Variants in FRMPD4 observed in about 807,000 individuals in gnomAD.
FRMPD4 encodes the protein FERM and PDZ domain-containing protein 4.
Under a neutral mutation model 94.1 loss-of-function variants are expected in FRMPD4, and 22 were observed. The ratio of observed to expected loss-of-function variants is 0.23; its 90% confidence interval spans 0.17 to 0.33. FRMPD4 has a LOEUF of 0.33. Among genes scored for constraint, FRMPD4 ranks in the 10% least tolerant of loss-of-function variants. The pLI, the probability that FRMPD4 is intolerant of heterozygous loss-of-function variation, is 1.00. For missense variants in FRMPD4, 1,111 were observed against 1,339.9 expected (o/e 0.83, Z 2.67); for synonymous variants, 631 against 548.6 (o/e 1.15, Z -2.10).
At chrX:11,822,951 T>A (rs1347771394) in intron 1 of FRMPD4, among the ~76,000 whole-genome samples, 1 of 111,941 alleles carries the variant, frequency 8.9e-6, no homozygotes, top group Non-Finnish European at 1.9e-5. Context: ...TCTGATGTTC[T>A]TGGCATAGGA....
chrX:12,082,237 G>C (rs760516545), intron 3 of FRMPD4, among the ~76,000 whole-genome samples: 1 of 111,498 alleles, frequency 9.0e-6, no homozygotes, highest in South Asian at 3.8e-4. Flanking sequence ...CACATGTTGT[G>C]GGAAAGACCA....
intron 1 of FRMPD4, among the ~76,000 whole-genome samples, chrX:12,347,009 G>A (rs2055723486): frequency 9.0e-6 from 1 of 111,360 alleles, no homozygotes; most frequent in African/African-American, 3.3e-5. Context: ...GGGGTAGGTT[G>A]TGATAATATA....
chrX:12,688,759 T>TC (rs1491361285), intron 7 of FRMPD4, among the ~76,000 whole-genome samples: 1 of 108,437 alleles, frequency 9.2e-6, no homozygotes, highest in African/African-American at 3.4e-5. Flanking sequence ...TTTTTTTTTT[T>TC]TCTTGAAATT....
At chrX:12,018,106 G>A (rs931584594) in intron 3 of FRMPD4, among the ~76,000 whole-genome samples, 9 of 110,100 alleles carry the variant, frequency 8.2e-5, no homozygotes, top group Admixed American at 1.9e-4. Context: ...TTTTAGGGCT[G>A]CTGTAACAAA....
At chrX:12,278,432 C>T (rs1286708197) in intron 1 of FRMPD4, among the ~76,000 whole-genome samples, 1 of 112,250 alleles carries the variant, frequency 8.9e-6, no homozygotes, top group African/African-American at 3.2e-5. Context: ...CCACCTATCA[C>T]TCATTCTGTG....
chrX:12,602,000 CT>C (rs993910759), intron 2 of FRMPD4, among the ~76,000 whole-genome samples: 1 of 111,448 alleles, frequency 9.0e-6, no homozygotes, highest in Non-Finnish European at 1.9e-5. Flanking sequence ...TACATCACCC[CT>C]AAGGCAAGAG....
At chrX:11,852,604 A>G (rs985136663) in intron 1 of FRMPD4, among the ~76,000 whole-genome samples, 1 of 111,622 alleles carries the variant, frequency 9.0e-6, no homozygotes, top group Non-Finnish European at 1.9e-5. Context: ...CAGGGGTTAC[A>G]ATCCTAGTTT....
At chrX:11,895,641 A>G (rs2053899284) in intron 3 of FRMPD4, among the ~76,000 whole-genome samples, 1 of 112,127 alleles carries the variant, frequency 8.9e-6, no homozygotes, top group Non-Finnish European at 1.9e-5. Context: ...AACATTGCAG[A>G]GACAAGGGGA....
chrX:12,165,362 A>C (rs2056097957), intron 1 of FRMPD4, among the ~76,000 whole-genome samples: 1 of 111,731 alleles, frequency 9.0e-6, no homozygotes, highest in Non-Finnish European at 1.9e-5. Flanking sequence ...ATAGTTGTAG[A>C]CATGCGGCAT....
At chrX:12,514,184 C>T (rs1175761578) in intron 2 of FRMPD4, among the ~76,000 whole-genome samples, 2 of 111,609 alleles carry the variant, frequency 1.8e-5, no homozygotes, top group Non-Finnish European at 3.8e-5. Context: ...TTGACTTCCT[C>T]TCTTCCTATT....
intron 1 of FRMPD4, among the ~76,000 whole-genome samples, chrX:12,220,987 G>A (rs1474283740): frequency 1.8e-5 from 2 of 111,624 alleles, no homozygotes; most frequent in African/African-American, 3.3e-5. Context: ...TCAATTTCAT[G>A]GGAATAAGCA....
chrX:11,865,605 A>G (rs2053713744), intron 2 of FRMPD4, among the ~76,000 whole-genome samples: 1 of 112,044 alleles, frequency 8.9e-6, no homozygotes, highest in Admixed American at 9.5e-5. Flanking sequence ...CCATTTTATG[A>G]ATATGGAAAC....
intron 1 of FRMPD4, among the ~76,000 whole-genome samples, chrX:12,396,496 A>G (rs556511452): frequency 1.8e-5 from 2 of 112,398 alleles, no homozygotes; most frequent in South Asian, 7.4e-4. Context: ...TTTAATCATT[A>G]ACTTATAGGT....
chrX:12,305,724 A>ATTTTTTTTTTTTTTTTT, intron 1 of FRMPD4, among the ~76,000 whole-genome samples: 1 of 44,246 alleles, frequency 2.3e-5, no homozygotes, highest in Non-Finnish European at 3.6e-5. Context: ...CAGCTGGCTA[A>ATTTTTTTTTTTTTTTTT]GTTTTTTTTT....
At chrX:12,320,897 G>A (rs2147923981) in intron 1 of FRMPD4, among the ~76,000 whole-genome samples, 1 of 111,680 alleles carries the variant, frequency 9.0e-6, no homozygotes, top group Non-Finnish European at 1.9e-5. Context: ...TTTTTAATTT[G>A]CAGCCTAAGT....
chrX:12,363,810 G>A (rs965986262), intron 1 of FRMPD4, among the ~76,000 whole-genome samples: 2 of 111,726 alleles, frequency 1.8e-5, no homozygotes, highest in African/African-American at 6.5e-5. Context: ...TTTAGGGAGT[G>A]CGGTGACAAG....
At chrX:12,007,318 G>T (rs915138510) in intron 3 of FRMPD4, among the ~76,000 whole-genome samples, 1 of 112,458 alleles carries the variant, frequency 8.9e-6, no homozygotes, top group African/African-American at 3.2e-5. Flanking sequence ...CCAGCTGAAG[G>T]TGGCCCTGTT....
At chrX:12,445,759 G>A (rs2057187747) in intron 1 of FRMPD4, among the ~76,000 whole-genome samples, 1 of 112,580 alleles carries the variant, frequency 8.9e-6, no homozygotes, top group Non-Finnish European at 1.9e-5. Context: ...CTGTTGGTAA[G>A]TGGGGTATTG....
intron 3 of FRMPD4, among the ~76,000 whole-genome samples, chrX:11,943,196 C>G (rs777586321): frequency 9.0e-6 from 1 of 111,076 alleles, no homozygotes; most frequent in South Asian, 3.8e-4. Context: ...TTCCTGTGTC[C>G]CAGAAATTTT....
Sources: gnomAD v4.1 joint callset for allele counts (sites outside exome capture counted in the v4.1 genomes callset) on GRCh38, gnomAD v4.1.1 for gene constraint, MANE v1.5 for transcripts, NCBI Gene and HGNC (gene_info 2026-07-23, HGNC 2026-07-21) for gene names.